The following PDE11A variants were observed in gnomAD, a reference collection of about 807,000 sequenced individuals.
PDE11A encodes the protein dual 3',5'-cyclic-AMP and -GMP phosphodiesterase 11A.
PDE11A carries 100 observed loss-of-function variants against 100.5 expected under a neutral mutation model. The ratio of observed to expected loss-of-function variants is 1.00; its 90% CI spans 0.85 to 1.18. The LOEUF (loss-of-function observed/expected upper bound fraction) is 1.18, where lower values mean the gene tolerates loss of function less well. PDE11A is among the 50% of genes most tolerant of loss of function. PDE11A has a pLI of 0.00. For missense variants in PDE11A, 1,141 were observed against 1,152.6 expected (o/e 0.99, Z 0.15); for synonymous variants, 381 against 420.8 (o/e 0.91, Z 1.16).
chr2:178,018,473 G>T, intron 1 of PDE11A: 1 of 510,068 alleles, frequency 2.0e-6, no homozygotes, highest in South Asian at 1.5e-5. Context: ...TGACCTTTTA[G>T]ACTTAACACC....
At chr2:177,906,259 C>A (rs996721039) in intron 2 of PDE11A, among the ~76,000 whole-genome samples, 1 of 152,100 alleles carries the variant, frequency 6.6e-6, no homozygotes, top group Non-Finnish European at 1.5e-5. Context: ...GCAATTCCTG[C>A]TGTAACCAGC....
chr2:177,770,457 G>A (rs1397781852), intron 9 of PDE11A, among the ~76,000 whole-genome samples: 1 of 152,262 alleles, frequency 6.6e-6, no homozygotes, highest in Non-Finnish European at 1.5e-5. Flanking sequence ...CCAATTCGCA[G>A]GCTCCCTGCA....
At chr2:177,694,644 T>C (rs1012364056) in intron 15 of PDE11A, among the ~76,000 whole-genome samples, 3 of 152,206 alleles carry the variant, frequency 2.0e-5, no homozygotes, top group Non-Finnish European at 4.4e-5. Context: ...GCTGGGATTT[T>C]AATTTTTAAG....
chr2:177,841,555 A>G (rs2083490951), intron 5 of PDE11A, among the ~76,000 whole-genome samples: 1 of 152,216 alleles, frequency 6.6e-6, no homozygotes, highest in Non-Finnish European at 1.5e-5. Flanking sequence ...AAATTATGCC[A>G]TGTTGAGAAG....
Position 177,864,863 on chromosome 2 carries a change from T to C in PDE11A, c.1367+10996A>G, listed in dbSNP as rs562141192. Among the ~76,000 whole-genome samples, 221 of 152,350 alleles carry C rather than the reference T, an allele frequency of 1.5e-3. 1 individual carries two copies. Among genetic ancestry groups the C allele is most frequent in the African/African-American group, 5.2e-3 (216 of 41,580 alleles). On this transcript the variant is annotated intron_variant, in intron 5 of 19. Coordinates refer to ENST00000286063, the MANE Select transcript of PDE11A (RefSeq NM_016953.4). The stretch of plus-strand genomic sequence containing the variant: ...CAAAATGAGTTCCCTTTTGCATTAC[T>C]ACTTAAAAGTAATCATACGGGTCAT...
At chr2:177,629,644 G>A in intron 19 of PDE11A, 82 bp from the exon 20 acceptor site, 1 of 1,409,874 alleles carries the variant, frequency 7.1e-7, no homozygotes, top group South Asian at 1.2e-5. Flanking sequence ...TCACTTATGA[G>A]GAGAATGGAA....
At position 178,071,576 on chromosome 2, in the gene PDE11A, C is replaced by A. The variant is rs2087130716; in HGVS notation, c.862G>T (p.Gly288Cys). 1 of 1,613,324 alleles carries A rather than the reference C, an allele frequency of 6.2e-7. No individual in the cohort carries two copies. Among genetic ancestry groups the A allele is most frequent in the African/African-American group, 1.3e-5 (1 of 74,912 alleles). ...GTTTCTCCATGCTCCCCGACATAGC[C>A]AATGATACCTTTGCCCCAGGGGACC... ...VQVPWGKGIIGYVGEHGETVN... is the reference protein window; with the variant it reads ...VQVPWGKGIICYVGEHGETVN... Residue 288 changes from glycine (G) to cysteine (C), a missense_variant, in exon 1 of 20, where the codon GGC (glycine) becomes TGC (cysteine). Coordinates refer to ENST00000286063, the MANE Select transcript of PDE11A (RefSeq NM_016953.4).
chr2:178,083,960 T>C (rs1039208827), intron 2 of PDE11A, among the ~76,000 whole-genome samples: 5 of 152,204 alleles, frequency 3.3e-5, no homozygotes, highest in Middle Eastern at 3.2e-3. Flanking sequence ...AACACATACT[T>C]ATCAGTGTGG....
chr2:177,921,620 T>C (rs1249796920), intron 2 of PDE11A: 1 of 152,160 alleles, frequency 6.6e-6, no homozygotes, highest in African/African-American at 2.4e-5. Flanking sequence ...TTTTTTTCCA[T>C]AGACTAGTTT....
intron 15 of PDE11A, among the ~76,000 whole-genome samples, chr2:177,684,182 G>A (rs1188425188): frequency 1.3e-5 from 2 of 151,864 alleles, no homozygotes; most frequent in African/African-American, 2.4e-5. Context: ...TCTTTATTAG[G>A]CTTTACGGTC....
intron 8 of PDE11A, 116 bp downstream of exon 8, chr2:177,817,742 C>T: frequency 1.5e-6 from 1 of 656,116 alleles, no homozygotes. Flanking sequence ...GTTAATTTTG[C>T]CCTCCATTTA....
chr2:177,932,675 A>G (rs1485029361), intron 2 of PDE11A, among the ~76,000 whole-genome samples: 1 of 152,192 alleles, frequency 6.6e-6, no homozygotes, highest in East Asian at 1.9e-4. Flanking sequence ...CAAAATAATA[A>G]GAGCCATCTA....
intron 1 of PDE11A, chr2:178,018,282 C>T (rs187090976): frequency 2.5e-5 from 10 of 405,448 alleles, no homozygotes; most frequent in African/African-American, 2.1e-4. Context: ...CTACAGCCCT[C>T]ACTCTCCTTA....
intron 5 of PDE11A, among the ~76,000 whole-genome samples, chr2:177,864,267 T>C (rs570325890): frequency 1.3e-5 from 2 of 152,204 alleles, no homozygotes; most frequent in African/African-American, 4.8e-5. Flanking sequence ...TGAACAAGTC[T>C]AGAGAAATAA....
intron 9 of PDE11A, among the ~76,000 whole-genome samples, chr2:177,791,537 A>T (rs1465689925): frequency 2.7e-5 from 4 of 147,442 alleles, no homozygotes; most frequent in South Asian, 2.1e-4. Flanking sequence ...TAAAGTATAA[A>T]AAAAAAAAAA....
chr2:177,711,678 G>A, intron 13 of PDE11A, 91 bp downstream of exon 13: 1 of 795,888 alleles, frequency 1.3e-6, no homozygotes, highest in Non-Finnish European at 2.2e-6. Context: ...TCGGATGCCA[G>A]AAATTAATGC....
At chr2:178,026,078 G>A (rs1277566372) in intron 1 of PDE11A, among the ~76,000 whole-genome samples, 1 of 152,104 alleles carries the variant, frequency 6.6e-6, no homozygotes, top group African/African-American at 2.4e-5. Context: ...GTGAGACATT[G>A]GAGACTTGGT....
chr2:178,000,090 A>G (rs1367787905), intron 2 of PDE11A, among the ~76,000 whole-genome samples: 2 of 152,214 alleles, frequency 1.3e-5, no homozygotes, highest in Non-Finnish European at 2.9e-5. Flanking sequence ...CAATGGAATC[A>G]GAATCTGCCA....
At chr2:177,743,146 G>A (rs2081898730) in intron 10 of PDE11A, among the ~76,000 whole-genome samples, 1 of 152,176 alleles carries the variant, frequency 6.6e-6, no homozygotes, top group Non-Finnish European at 1.5e-5. Context: ...ACAAGGAAAG[G>A]GAAAGAATCA....
Sources: gnomAD v4.1 joint callset for allele counts (sites outside exome capture counted in the v4.1 genomes callset) on GRCh38, gnomAD v4.1.1 for gene constraint, MANE v1.5 for transcripts, NCBI Gene and HGNC (gene_info 2026-07-23, HGNC 2026-07-21) for gene names.